Variants in MTMR12 observed in about 807,000 individuals in gnomAD.
MTMR12 encodes the protein myotubularin related protein 12, also known as myotubularin-related protein 12.
Under a neutral mutation model 96.7 loss-of-function variants are expected in MTMR12, and 33 were observed. That is an observed-to-expected ratio of 0.34 (90% CI 0.26 to 0.46). The LOEUF is 0.46. MTMR12 is among the 20% of genes least tolerant of loss of function. MTMR12 has a pLI of 1.00. For missense variants in MTMR12, 721 were observed against 896.1 expected (o/e 0.80, Z 2.49); for synonymous variants, 298 against 327.2 (o/e 0.91, Z 0.96).
intron 12 of MTMR12, among the ~76,000 whole-genome samples, chr5:32,240,541 G>A (rs1371228623): frequency 6.6e-6 from 1 of 152,166 alleles, no homozygotes; most frequent in African/African-American, 2.4e-5. Context: ...TCAACTATGG[G>A]ATGACATGGG....
At position 32,312,029 on chromosome 5, in the gene MTMR12, C is replaced by G. The variant is rs1199389600; in HGVS notation, c.81+729G>C. 6.6e-6 allele frequency among the ~76,000 whole-genome samples: 1 copy of G among 152,234 alleles called. No homozygotes were observed. The highest frequency in any genetic ancestry group is 1.5e-5 in the Non-Finnish European group (1 of 68,048). ...AATGCAGAGATCTCTGTCCTGTTCA[C>G]TGATGTCTATCACAAGCACTTAGTG... On this transcript the variant is annotated intron_variant, in intron 1 of 15. Transcript: ENST00000382142. This position sits in a 1 kb window ranked among gnomAD's most constrained non-coding sequence, Gnocchi z 5.0.
rs371167387 is a variant in MTMR12, at chr5:32,252,301, G to C, written c.789+3392C>G. 2.6e-5 allele frequency among the ~76,000 whole-genome samples: 4 copies of C among 152,316 alleles called. No homozygotes were observed. The East Asian group carries it at 7.7e-4, about 29-fold the overall frequency. ...ATGTTCTGGAACAAACTGTGGTAAT[G>C]TTTGCACAACACTGAGAATATACTA... is the stretch of plus-strand genomic sequence containing the variant. On this transcript the variant is annotated intron_variant, in intron 8 of 15. Transcript: ENST00000382142.
chr5:32,271,597 G>C (rs1749834116), intron 4 of MTMR12, among the ~76,000 whole-genome samples: 1 of 152,132 alleles, frequency 6.6e-6, no homozygotes, highest in Non-Finnish European at 1.5e-5. Context: ...GCATATAATG[G>C]TGTCGTGTGA....
chr5:32,227,018 T>C lies in MTMR12; in HGVS notation c.*2760A>G, dbSNP rs1166688847. The stretch of plus-strand genomic sequence containing the variant: ...CACCAAGTACAGTATTGCTTGTAAA[T>C]TGTGCTTTAATTTCTGCAATCAGAT... On this transcript the variant is annotated 3_prime_UTR_variant, in exon 16 of 16. Coordinates refer to ENST00000382142, the MANE Select transcript of MTMR12 (RefSeq NM_001040446.3). The C allele has an allele frequency of 1.3e-5, 2 of 152,660 alleles. No homozygotes were observed. Among genetic ancestry groups the C allele is most frequent in the Admixed American group, 6.5e-5 (1 of 15,276 alleles). The allele number at this position is 152,660 out of a possible 1,614,324, so 9.5% of individuals were successfully genotyped here.
chr5:32,291,137 G>A (rs1013659615), intron 1 of MTMR12, among the ~76,000 whole-genome samples: 1 of 152,172 alleles, frequency 6.6e-6, no homozygotes, highest in Non-Finnish European at 1.5e-5. Flanking sequence ...CTGCACCGAT[G>A]ACCTCATGGG....
chr5:32,273,582 T>C (rs1749926621), intron 3 of MTMR12, among the ~76,000 whole-genome samples: 1 of 152,078 alleles, frequency 6.6e-6, no homozygotes. Flanking sequence ...AAATTGAAAG[T>C]TGACACATGA....
chr5:32,273,864 T>A, intron 3 of MTMR12, 116 bp downstream of exon 3: 2 of 1,426,070 alleles, frequency 1.4e-6, no homozygotes, highest in South Asian at 2.6e-5. Flanking sequence ...AGGATTTCTG[T>A]CCTTTGTGTT....
chr5:32,298,085 AG>A (rs960679863), intron 1 of MTMR12, among the ~76,000 whole-genome samples: 1 of 152,222 alleles, frequency 6.6e-6, no homozygotes, highest in African/African-American at 2.4e-5. Flanking sequence ...AGAAGCGTGG[AG>A]GGCTCTTAAA....
At chr5:32,284,914 CT>C (rs1429500222) in intron 1 of MTMR12, among the ~76,000 whole-genome samples, 1 of 152,146 alleles carries the variant, frequency 6.6e-6, no homozygotes, top group African/African-American at 2.4e-5. Flanking sequence ...GGTCTTTGTG[CT>C]TTGTATACCA....
At position 32,233,108 on chromosome 5, in the gene MTMR12, A is replaced by G. The variant is rs1361969760; in HGVS notation, c.1674+665T>C. On this transcript the variant is annotated intron_variant, in intron 15 of 15. Coordinates refer to ENST00000382142, the MANE Select transcript of MTMR12 (RefSeq NM_001040446.3). The surrounding 1 kb of genome is among the most constrained non-coding windows in gnomAD (Gnocchi z 5.0). ...CTTTCTGACATTTGTGGCTCATAGCATAGGTCAGCAAACTGGCCACCCCTC... is the reference window on the plus strand; with the variant it reads ...CTTTCTGACATTTGTGGCTCATAGCGTAGGTCAGCAAACTGGCCACCCCTC... The G allele has an allele frequency of 1.3e-6, 1 of 798,006 alleles. No homozygotes were observed. Among genetic ancestry groups the G allele is most frequent in the Non-Finnish European group, 1.5e-6 (1 of 659,138 alleles). 49.4% of individuals were successfully genotyped at this position (798,006 alleles called of 1,614,324 possible).
At chr5:32,303,847 C>CA (rs57459005) in intron 1 of MTMR12, among the ~76,000 whole-genome samples, 2,291 of 66,698 alleles carry the variant, frequency 0.034, 29 homozygotes, top group Admixed American at 0.049. Flanking sequence ...TTTGCCATCT[C>CA]AAAAAAAAAA....
At chr5:32,253,459 GAGAA>G (rs1749021595) in intron 8 of MTMR12, among the ~76,000 whole-genome samples, 1 of 152,150 alleles carries the variant, frequency 6.6e-6, no homozygotes, top group East Asian at 1.9e-4. Context: ...AAAAGAGAGG[GAGAA>G]AGAGAGAGAG....
intron 1 of MTMR12, among the ~76,000 whole-genome samples, chr5:32,278,419 A>AT (rs1295638279): frequency 6.6e-6 from 1 of 152,170 alleles, no homozygotes. Context: ...TGGGTGGGAA[A>AT]TTTTCTGAAT....
intron 10 of MTMR12, among the ~76,000 whole-genome samples, chr5:32,246,683 ACTG>A (rs1296731146): frequency 6.6e-6 from 1 of 152,180 alleles, no homozygotes; most frequent in Non-Finnish European, 1.5e-5. Flanking sequence ...CCATTTGTAA[ACTG>A]CTGATTTCTT....
chr5:32,264,336 AG>A (rs1389029650), intron 6 of MTMR12, among the ~76,000 whole-genome samples: 2 of 152,198 alleles, frequency 1.3e-5, no homozygotes, highest in Non-Finnish European at 2.9e-5. Flanking sequence ...GGAAAAACGA[AG>A]GGTTTACAAA....
chr5:32,305,512 G>A (rs1425288146), intron 1 of MTMR12, among the ~76,000 whole-genome samples: 5 of 152,174 alleles, frequency 3.3e-5, no homozygotes, highest in African/African-American at 7.2e-5. Context: ...TCATCTATCC[G>A]CCAAAGACAT....
chr5:32,296,184 A>C (rs904717833), intron 1 of MTMR12, among the ~76,000 whole-genome samples: 7 of 151,968 alleles, frequency 4.6e-5, no homozygotes, highest in Non-Finnish European at 8.8e-5. Flanking sequence ...CACTTTATTA[A>C]GATATAATTG....
chr5:32,277,327 ACTCCTTATCT>A (rs1486850382), intron 1 of MTMR12, among the ~76,000 whole-genome samples: 1 of 152,180 alleles, frequency 6.6e-6, no homozygotes, highest in African/African-American at 2.4e-5. Context: ...TGAGGTGGGC[ACTCCTTATCT>A]CTCCTTATCT....
At chr5:32,274,993 A>T (rs1040929114) in intron 2 of MTMR12, among the ~76,000 whole-genome samples, 3 of 152,100 alleles carry the variant, frequency 2.0e-5, no homozygotes, top group Non-Finnish European at 4.4e-5. Context: ...GTTTTGCAAC[A>T]ACAACAAAAA....
Sources: gnomAD v4.1 joint callset for allele counts (sites outside exome capture counted in the v4.1 genomes callset) on GRCh38, gnomAD v4.1.1 for gene constraint, Gnocchi (gnomAD v3.1) non-coding constraint, MANE v1.5 for transcripts, NCBI Gene and HGNC (gene_info 2026-07-23, HGNC 2026-07-21) for gene names.